The following MTUS2 variants were observed in gnomAD, a reference collection of about 807,000 sequenced individuals.
The protein encoded by MTUS2 is microtubule associated scaffold protein 2.
In MTUS2, 40 loss-of-function variants were observed where a neutral mutation model predicts 114.1. The observed-to-expected ratio is 0.35, with a 90% CI of 0.27 to 0.46. The LOEUF is 0.46. MTUS2 is among the 20% of genes least tolerant of loss of function. The pLI, the probability that MTUS2 is intolerant of heterozygous loss-of-function variation, is 1.00. For synonymous variants in MTUS2, 688 were observed against 672.0 expected (o/e 1.02, Z -0.37); for missense variants, 1,679 against 1,705.4 (o/e 0.98, Z 0.27).
chr13:29,355,991 A>G (rs1869705448), intron 7 of MTUS2, among the ~76,000 whole-genome samples: 1 of 152,132 alleles, frequency 6.6e-6, no homozygotes, highest in Non-Finnish European at 1.5e-5. Context: ...AGGGGACCAG[A>G]GTGTTGCTTC....
chr13:29,149,442 A>G (rs1892577627), intron 5 of MTUS2, among the ~76,000 whole-genome samples: 1 of 152,214 alleles, frequency 6.6e-6, no homozygotes, highest in African/African-American at 2.4e-5. Flanking sequence ...TCAGATGGAT[A>G]GATTACACAT....
At chr13:29,044,905 C>T (rs1023391531) in intron 4 of MTUS2, among the ~76,000 whole-genome samples, 4 of 152,112 alleles carry the variant, frequency 2.6e-5, no homozygotes, top group South Asian at 2.1e-4. Flanking sequence ...GCTTGTGGTA[C>T]TAGAGTCCTT....
chr13:29,350,920 C>G (rs943207945), intron 7 of MTUS2, among the ~76,000 whole-genome samples: 5 of 145,516 alleles, frequency 3.4e-5, no homozygotes, highest in Non-Finnish European at 7.6e-5. Flanking sequence ...GCCCCACTTA[C>G]AGATGTCATC....
At chr13:29,092,488 T>C (rs1890001553) in intron 4 of MTUS2, among the ~76,000 whole-genome samples, 1 of 152,184 alleles carries the variant, frequency 6.6e-6, no homozygotes, top group African/African-American at 2.4e-5. Context: ...TTTCACTCAA[T>C]AAAATTCTTC....
At chr13:29,137,278 T>C (rs1473903855) in intron 5 of MTUS2, among the ~76,000 whole-genome samples, 2 of 152,160 alleles carry the variant, frequency 1.3e-5, no homozygotes, top group East Asian at 3.9e-4. Context: ...CTTTCAAAAT[T>C]ATCTCTGTCT....
chr13:29,331,280 T>C (rs930835639), intron 7 of MTUS2, among the ~76,000 whole-genome samples: 1 of 152,198 alleles, frequency 6.6e-6, no homozygotes, highest in South Asian at 2.1e-4. Flanking sequence ...TTTTGCACAT[T>C]GATTGTGTAT....
intron 8 of MTUS2, among the ~76,000 whole-genome samples, chr13:29,408,647 C>A (rs1203043329): frequency 6.6e-6 from 1 of 151,952 alleles, no homozygotes; most frequent in Non-Finnish European, 1.5e-5. Context: ...TAACTGGAAA[C>A]AGTTTTTGTT....
At chr13:29,441,320 C>G (rs1877844278) in intron 9 of MTUS2, among the ~76,000 whole-genome samples, 1 of 152,170 alleles carries the variant, frequency 6.6e-6, no homozygotes, top group African/African-American at 2.4e-5. Flanking sequence ...TGTGACCTGG[C>G]TGGAAAGAGG....
intron 8 of MTUS2, among the ~76,000 whole-genome samples, chr13:29,424,879 T>C (rs1470640373): frequency 1.3e-5 from 2 of 152,160 alleles, no homozygotes; most frequent in Non-Finnish European, 2.9e-5. Context: ...AGACCCAAGA[T>C]ACTTAAAACC....
intron 6 of MTUS2, among the ~76,000 whole-genome samples, chr13:29,318,736 G>T (rs1900127778): frequency 6.6e-6 from 1 of 152,158 alleles, no homozygotes; most frequent in Non-Finnish European, 1.5e-5. Flanking sequence ...TAGCATTGTG[G>T]AAGGCCCTTG....
At chr13:29,002,166 A>G (rs1885413817) in intron 2 of MTUS2, among the ~76,000 whole-genome samples, 1 of 152,204 alleles carries the variant, frequency 6.6e-6, no homozygotes, top group South Asian at 2.1e-4. Context: ...TGCAGTGAAG[A>G]TATTGAGTGG....
chr13:28,901,756 C>T (rs564467348), intron 2 of MTUS2, among the ~76,000 whole-genome samples: 3 of 152,142 alleles, frequency 2.0e-5, no homozygotes, highest in African/African-American at 7.2e-5. Context: ...ATTTTGATTA[C>T]TGTAGCAATA....
intron 5 of MTUS2, among the ~76,000 whole-genome samples, chr13:29,115,971 T>C (rs4365146): frequency 0.43 from 66,158 of 152,146 alleles, 15,605 homozygotes; most frequent in Non-Finnish European, 0.51. Context: ...TGATATCAAC[T>C]AGACCAACCA....
At chr13:29,343,707 T>G (rs1266970113) in intron 7 of MTUS2, among the ~76,000 whole-genome samples, 1 of 38,690 alleles carries the variant, frequency 2.6e-5, no homozygotes, top group Non-Finnish European at 1.2e-4. Context: ...GTTTGGTTTG[T>G]TTTGTTTCTC....
chr13:29,308,077 A>G (rs1003909891), intron 6 of MTUS2, among the ~76,000 whole-genome samples: 2 of 152,244 alleles, frequency 1.3e-5, no homozygotes, highest in Non-Finnish European at 2.9e-5. Context: ...AATGGAACCA[A>G]AAAAGATCCT....
intron 7 of MTUS2, among the ~76,000 whole-genome samples, chr13:29,357,237 G>A (rs1473668092): frequency 6.6e-6 from 1 of 152,122 alleles, no homozygotes; most frequent in Non-Finnish European, 1.5e-5. Flanking sequence ...GTTCTTAGGA[G>A]CTATCCTCCC....
chr13:29,257,989 A>G (rs1421663662), intron 5 of MTUS2, among the ~76,000 whole-genome samples: 1 of 152,170 alleles, frequency 6.6e-6, no homozygotes, highest in African/African-American at 2.4e-5. Flanking sequence ...AGCCACCTCT[A>G]CTCAGCACTA....
intron 6 of MTUS2, among the ~76,000 whole-genome samples, chr13:29,289,365 T>G (rs1488091027): frequency 6.6e-6 from 1 of 152,180 alleles, no homozygotes; most frequent in Non-Finnish European, 1.5e-5. Context: ...TTCATATTTC[T>G]CAGTCAGTTA....
At chr13:28,902,353 T>A (rs1879695683) in intron 2 of MTUS2, among the ~76,000 whole-genome samples, 2 of 152,164 alleles carry the variant, frequency 1.3e-5, no homozygotes, top group South Asian at 4.1e-4. Flanking sequence ...TCTAGTACTA[T>A]GTTGAATAAA....
Sources: allele counts gnomAD v4.1 joint callset (sites outside exome capture counted in the v4.1 genomes callset), GRCh38; gene constraint gnomAD v4.1.1; transcripts MANE v1.5; gene names NCBI Gene and HGNC (gene_info 2026-07-23, HGNC 2026-07-21).